Variants in TRABD2A observed in about 807,000 individuals in gnomAD.
TRABD2A encodes the protein metalloprotease TIKI1.
Under a neutral mutation model 45.6 loss-of-function variants are expected in TRABD2A, and 43 were observed. The observed-to-expected ratio is 0.94, with a 90% CI of 0.74 to 1.22. TRABD2A has a LOEUF of 1.22. Ranked by LOEUF, TRABD2A falls within the 50% of genes most tolerant of loss-of-function variation. The pLI, the probability that TRABD2A is intolerant of heterozygous loss-of-function variation, is 0.00. For missense variants in TRABD2A, 642 were observed against 652.4 expected (o/e 0.98, Z 0.17); for synonymous variants, 269 against 265.0 (o/e 1.02, Z -0.15).
chr2:84,829,333 G>A (rs1466133069), intron 5 of TRABD2A, among the ~76,000 whole-genome samples: 1 of 149,396 alleles, frequency 6.7e-6, no homozygotes, highest in Non-Finnish European at 1.5e-5. Flanking sequence ...AGGGTTAGAG[G>A]CAGAATTAGG....
At chr2:84,863,574 T>C (rs1179750522) in intron 2 of TRABD2A, among the ~76,000 whole-genome samples, 7 of 148,348 alleles carry the variant, frequency 4.7e-5, no homozygotes, top group Non-Finnish European at 7.4e-5. Flanking sequence ...ACATAGCTCT[T>C]AGAAAGGCTC....
intron 5 of TRABD2A, among the ~76,000 whole-genome samples, chr2:84,827,500 C>T (rs145389061): frequency 3.6e-4 from 55 of 152,340 alleles, no homozygotes; most frequent in African/African-American, 1.3e-3. Context: ...TCCCAGTCTT[C>T]TGAGAATGAA....
intron 5 of TRABD2A, among the ~76,000 whole-genome samples, chr2:84,826,457 T>C (rs1475812240): frequency 6.6e-6 from 1 of 152,170 alleles, no homozygotes; most frequent in African/African-American, 2.4e-5. Flanking sequence ...AACACCTACT[T>C]TACAATTAAG....
rs536931079 is a variant in TRABD2A, at chr2:84,822,597, G to A, written c.1335-497C>T. ...GGGCCCATGACCTCAGGCTTACCCA[G>A]ATCTTTCAACTCAGCTGAGGTATAA... On this transcript the variant is annotated intron_variant, in intron 6 of 6. Coordinates refer to ENST00000409520, the MANE Select transcript of TRABD2A (RefSeq NM_001277053.2). Among the ~76,000 whole-genome samples the A allele has an allele frequency of 1.4e-3, 210 of 152,270 alleles. 1 individual carries two copies. Among genetic ancestry groups the A allele is most frequent in the African/African-American group, 4.8e-3 (200 of 41,576 alleles).
chr2:84,832,210 A>T, intron 4 of TRABD2A, 65 bp from the exon 5 acceptor site: 1 of 1,536,242 alleles, frequency 6.5e-7, no homozygotes, highest in Non-Finnish European at 9.0e-7. Flanking sequence ...CTCCCCAAAC[A>T]CACACCCTAG....
chr2:84,868,461 A>G (rs1682758084), intron 2 of TRABD2A, among the ~76,000 whole-genome samples: 2 of 151,726 alleles, frequency 1.3e-5, no homozygotes, highest in Non-Finnish European at 2.9e-5. Context: ...GGGGAGGGAT[A>G]GCATTATCCT....
At chr2:84,825,662 T>C (rs1681125427) in intron 5 of TRABD2A, among the ~76,000 whole-genome samples, 1 of 152,138 alleles carries the variant, frequency 6.6e-6, no homozygotes. Flanking sequence ...CTCTCTAGGA[T>C]TCAGGTGGCC....
At chr2:84,863,705 G>A (rs1422359791) in intron 2 of TRABD2A, among the ~76,000 whole-genome samples, 1 of 138,624 alleles carries the variant, frequency 7.2e-6, no homozygotes, top group Non-Finnish European at 1.5e-5. Flanking sequence ...TCTGCCCTCC[G>A]AGTTCAAGTG....
chr2:84,876,660 A>T (rs1160292765), intron 1 of TRABD2A, among the ~76,000 whole-genome samples: 1 of 152,242 alleles, frequency 6.6e-6, no homozygotes, highest in Non-Finnish European at 1.5e-5. Flanking sequence ...CGCCATATTT[A>T]TGCAGCCTTA....
chr2:84,873,426 G>GA (rs200401103), intron 1 of TRABD2A, among the ~76,000 whole-genome samples: 42 of 146,942 alleles, frequency 2.9e-4, no homozygotes, highest in Non-Finnish European at 5.0e-4. Flanking sequence ...TCTCAAAAAA[G>GA]AAAAAAAAAA....
Position 84,870,720 on chromosome 2 carries a change from T to C in TRABD2A, c.174A>G (p.Thr58=), listed in dbSNP as rs774574629. 6.2e-7 allele frequency: 1 copy of C among 1,603,132 alleles called. No individual in the cohort carries two copies. Among genetic ancestry groups the C allele is most frequent in the Non-Finnish European group, 8.5e-7 (1 of 1,174,672 alleles). ...KRDPPSYFFG[T]IHVPYTRVWD... ...AAACTCGGGTGTACGGGACATGGATTGTGCCAAAGAAGTAAGATGGTGGGT... is the reference window on the plus strand; with the variant it reads ...AAACTCGGGTGTACGGGACATGGATCGTGCCAAAGAAGTAAGATGGTGGGT... Residue 58 remains threonine (T), a synonymous_variant, in exon 2 of 7, where the codon ACA becomes ACG. Coordinates refer to ENST00000409520, the MANE Select transcript of TRABD2A (RefSeq NM_001277053.2).
At chr2:84,857,091 C>T (rs1682337731) in intron 2 of TRABD2A, among the ~76,000 whole-genome samples, 1 of 152,184 alleles carries the variant, frequency 6.6e-6, no homozygotes, top group African/African-American at 2.4e-5. Context: ...TCGCCCTGAT[C>T]TTGAACTTGG....
At chr2:84,834,877 A>G (rs1681449521) in intron 4 of TRABD2A, 1 of 152,190 alleles carries the variant, frequency 6.6e-6, no homozygotes, top group Non-Finnish European at 1.5e-5. Context: ...GTGTGGACAT[A>G]TGTTTTCAAT....
chr2:84,830,275 G>A lies in TRABD2A; in HGVS notation c.1082+1780C>T, dbSNP rs1192276. Among the ~76,000 whole-genome samples, 21,205 of 152,094 alleles carry A rather than the reference G, an allele frequency of 0.14. 1,545 individuals are homozygous for A. The highest frequency in any genetic ancestry group is 0.15 in the Non-Finnish European group (10,304 of 67,974). On this transcript the variant is annotated intron_variant, in intron 5 of 6. Coordinates refer to ENST00000409520, the MANE Select transcript of TRABD2A (RefSeq NM_001277053.2). This position sits in a 1 kb window ranked among gnomAD's most constrained non-coding sequence, Gnocchi z 4.9. Reference sequence around the variant, plus strand: ...CAACAGAGCTGACTCAGGCAGGGGCGGGATCCTCCCGGTCAAGGGGAGGAG... The same window carrying A: ...CAACAGAGCTGACTCAGGCAGGGGCAGGATCCTCCCGGTCAAGGGGAGGAG...
intron 3 of TRABD2A, 76 bp from the exon 4 acceptor site, chr2:84,839,399 TC>T: frequency 7.3e-7 from 1 of 1,379,080 alleles, no homozygotes; most frequent in Non-Finnish European, 9.9e-7. Flanking sequence ...GAGCATCAAA[TC>T]CCCCAACCTA....
intron 4 of TRABD2A, chr2:84,836,559 G>T (rs1055246620): frequency 3.3e-5 from 5 of 152,158 alleles, no homozygotes; most frequent in Non-Finnish European, 7.4e-5. Context: ...GGTTGAATGT[G>T]CAGAGTAATA....
intron 4 of TRABD2A, among the ~76,000 whole-genome samples, chr2:84,838,701 T>G (rs1681602921): frequency 6.6e-6 from 1 of 152,208 alleles, no homozygotes; most frequent in African/African-American, 2.4e-5. Context: ...AGAAAATAAT[T>G]GTCCTATTCT....
At chr2:84,871,177 T>C (rs762653454) in intron 1 of TRABD2A, among the ~76,000 whole-genome samples, 15 of 152,152 alleles carry the variant, frequency 9.9e-5, no homozygotes, top group Non-Finnish European at 2.1e-4. Flanking sequence ...GCAATAGCAG[T>C]CACCAGTTTT....
intron 2 of TRABD2A, among the ~76,000 whole-genome samples, chr2:84,846,798 G>A (rs17025641): frequency 0.064 from 9,709 of 152,270 alleles, 1,085 homozygotes; most frequent in African/African-American, 0.22. Context: ...ACGGATTCCT[G>A]AAGAAACAGT....
Sources: gnomAD v4.1 joint callset for allele counts (sites outside exome capture counted in the v4.1 genomes callset) on GRCh38, gnomAD v4.1.1 for gene constraint, Gnocchi (gnomAD v3.1) non-coding constraint, MANE v1.5 for transcripts, NCBI Gene and HGNC (gene_info 2026-07-23, HGNC 2026-07-21) for gene names.